Variants in KLRF1 observed in about 807,000 individuals in gnomAD.
KLRF1 encodes the protein killer cell lectin-like receptor subfamily F member 1.
Under a neutral mutation model 30.7 loss-of-function variants are expected in KLRF1, and 27 were observed. The ratio of observed to expected loss-of-function variants is 0.88; its 90% CI spans 0.65 to 1.21. The LOEUF (loss-of-function observed/expected upper bound fraction) is 1.21, where lower values mean the gene tolerates loss of function less well. Ranked by LOEUF, KLRF1 falls within the 50% of genes most tolerant of loss-of-function variation. KLRF1 has a pLI of 0.00. For missense variants in KLRF1, 246 were observed against 259.3 expected (o/e 0.95, Z 0.35); for synonymous variants, 92 against 89.3 (o/e 1.03, Z -0.17).
At chr12:9,842,064 G>T (rs1474126039) in intron 4 of KLRF1, 113 bp downstream of exon 4, 11 of 1,232,160 alleles carry the variant, frequency 8.9e-6, no homozygotes, top group Non-Finnish European at 1.2e-5. Context: ...CGAGTTTTGG[G>T]CACCCTCTTA....
the KLRF1 span, among the ~76,000 whole-genome samples, chr12:9,807,763 G>T: frequency 6.6e-6 from 1 of 151,916 alleles, no homozygotes; most frequent in Non-Finnish European, 1.5e-5. Flanking sequence ...ACTTTTTTGC[G>T]GGGAGGGGTG....
chr12:9,827,597 G>A lies in KLRF1; in HGVS notation c.53G>A (p.Ser18Asn), dbSNP rs1264216278. 6.2e-7 allele frequency: 1 copy of A among 1,608,084 alleles called. No individual in the cohort carries two copies. The change falls in exon 1 of 6, where the codon AGT (serine) becomes AAT (asparagine). Residue 18 changes from serine (S) to asparagine (N), a missense_variant. Transcript: ENST00000617889. Reference sequence around the variant, plus strand: ...TTGAATGTACAGTCAAAGAAAAGGAGTTCTGCCCAAACATCTCAACTTACA... The same window carrying A: ...TTGAATGTACAGTCAAAGAAAAGGAATTCTGCCCAAACATCTCAACTTACA... The part of the protein sequence containing the change: ...MTLNVQSKKR[S>N]SAQTSQLTFK...
chr12:9,803,545 T>C, the KLRF1 span, among the ~76,000 whole-genome samples: 1 of 152,068 alleles, frequency 6.6e-6, no homozygotes, highest in Non-Finnish European at 1.5e-5. Context: ...CTATGAGTTT[T>C]ATGGTTTTGT....
upstream of KLRF1, among the ~76,000 whole-genome samples, chr12:9,827,085 A>G (rs899138973): frequency 1.3e-5 from 2 of 152,232 alleles, no homozygotes; most frequent in Non-Finnish European, 2.9e-5. Context: ...ATATTGTTTT[A>G]GGATAAAGAA....
intron 1 of KLRF1, among the ~76,000 whole-genome samples, chr12:9,830,635 AGAT>A (rs1261138007): frequency 6.7e-6 from 1 of 150,166 alleles, no homozygotes; most frequent in African/African-American, 2.5e-5. Flanking sequence ...ACATCTATTG[AGAT>A]GATGATAGAT....
At chr12:9,814,523 C>T in the KLRF1 span, among the ~76,000 whole-genome samples, 2 of 152,334 alleles carry the variant, frequency 1.3e-5, no homozygotes, top group South Asian at 2.1e-4. Context: ...GATCCATGGC[C>T]CTGTCCCACC....
At chr12:9,831,710 T>C (rs1867432077) in intron 1 of KLRF1, among the ~76,000 whole-genome samples, 1 of 152,162 alleles carries the variant, frequency 6.6e-6, no homozygotes, top group African/African-American at 2.4e-5. Flanking sequence ...ATAATAATCA[T>C]TGAACAAGCA....
rs1371321560 is a variant in KLRF1, at chr12:9,833,580, TCAA to T, written c.334+129_334+131del. On this transcript the variant is annotated intron_variant, in intron 3 of 5. Coordinates refer to ENST00000617889, the MANE Select transcript of KLRF1 (RefSeq NM_016523.3). ...AGTTTGGTATAAGTCTACTTTTCAT[TCAA>T]AACTCGATTTAGGTATCTTTAAACT... 79 of 733,672 alleles carry T rather than the reference TCAA, an allele frequency of 1.1e-4. No individual in the cohort carries two copies. The African/African-American group carries it at 1.3e-3, about 12-fold the overall frequency. The allele number at this position is 733,672 out of a possible 1,614,324, so 45.4% of individuals were successfully genotyped here. A position where few individuals can be genotyped will look rare whatever the true frequency, so the allele number is the denominator to read the frequency against.
upstream of KLRF1, among the ~76,000 whole-genome samples, chr12:9,825,390 G>T (rs773375841): frequency 6.6e-6 from 1 of 152,130 alleles, no homozygotes; most frequent in Non-Finnish European, 1.5e-5. Context: ...CAGCAAAGCT[G>T]ACAAAAACAA....
At chr12:9,808,158 C>G in the KLRF1 span, among the ~76,000 whole-genome samples, 1 of 151,878 alleles carries the variant, frequency 6.6e-6, no homozygotes, top group Non-Finnish European at 1.5e-5. Context: ...TAAAATGCAC[C>G]AATTTAAATT....
At chr12:9,828,924 A>G (rs1867344893) in intron 1 of KLRF1, among the ~76,000 whole-genome samples, 1 of 152,170 alleles carries the variant, frequency 6.6e-6, no homozygotes, top group Non-Finnish European at 1.5e-5. Context: ...AAAAATGTGC[A>G]GATTTTCGGC....
the KLRF1 span, among the ~76,000 whole-genome samples, chr12:9,803,765 A>C: frequency 3.9e-5 from 6 of 152,000 alleles, no homozygotes; most frequent in African/African-American, 1.4e-4. Flanking sequence ...ATGTGAGTCT[A>C]CATCTGGGCT....
intron 1 of KLRF1, among the ~76,000 whole-genome samples, 188 bp from the exon 2 acceptor site, chr12:9,832,128 A>G (rs1329451976): frequency 6.6e-6 from 1 of 152,206 alleles, no homozygotes; most frequent in Non-Finnish European, 1.5e-5. Context: ...GCTTCTGACC[A>G]TCCAGAGTGT....
chr12:9,817,668 G>A, the KLRF1 span: 1 of 256,208 alleles, frequency 3.9e-6, no homozygotes, highest in East Asian at 1.3e-4. Context: ...TTTGGTCTTT[G>A]CCTTCCTCTT....
In KLRF1 at chr12:9,841,840, C is replaced by T. The variant is rs1376133640; in HGVS notation, c.363C>T (p.Tyr121=). 6.2e-7 allele frequency: 1 copy of T among 1,608,076 alleles called. No individual in the cohort carries two copies. Among genetic ancestry groups the T allele is most frequent in the South Asian group, 1.1e-5 (1 of 90,878 alleles). Residue 121 remains tyrosine (Y), a synonymous_variant, in exon 4 of 6, where the codon TAC becomes TAT. Transcript: ENST00000617889. ...TATGCCAATCAGAATGGCTCAAATA[C>T]CAAGGGAAGTGTTATTGGTTCTCTA... ...TVLCQSEWLK[Y]QGKCYWFSNE...
At chr12:9,843,379 T>C (rs1394495872) in intron 5 of KLRF1, among the ~76,000 whole-genome samples, 2 of 152,222 alleles carry the variant, frequency 1.3e-5, no homozygotes, top group African/African-American at 2.4e-5. Flanking sequence ...ACATTTGTGA[T>C]AATTTGTCAT....
chr12:9,842,500 C>A (rs2121241523), intron 5 of KLRF1, 67 bp downstream of exon 5: 1 of 1,422,614 alleles, frequency 7.0e-7, no homozygotes, highest in Non-Finnish European at 9.7e-7. Flanking sequence ...CCAGGTTCAC[C>A]AAATTCAACT....
At chr12:9,834,934 GC>G (rs1867537553) in intron 3 of KLRF1, among the ~76,000 whole-genome samples, 1 of 152,058 alleles carries the variant, frequency 6.6e-6, no homozygotes, top group South Asian at 2.1e-4. Context: ...GTCAACTTGG[GC>G]CTGGAGGACT....
the KLRF1 span, among the ~76,000 whole-genome samples, chr12:9,811,355 T>A: frequency 7.0e-6 from 1 of 142,332 alleles, no homozygotes; most frequent in Non-Finnish European, 1.5e-5. Context: ...ACATTTGGAG[T>A]GTCAGCATAC....
Sources: gnomAD v4.1 joint callset for allele counts (sites outside exome capture counted in the v4.1 genomes callset) on GRCh38, gnomAD v4.1.1 for gene constraint, MANE v1.5 for transcripts, NCBI Gene and HGNC (gene_info 2026-07-23, HGNC 2026-07-21) for gene names.